The following FGF10 variants were observed in gnomAD, a reference collection of about 807,000 sequenced individuals.
FGF10 encodes the protein fibroblast growth factor 10, also known as FGF-10.
FGF10 carries 2 observed loss-of-function variants against 19.8 expected under a neutral mutation model. That is an observed-to-expected ratio of 0.10 (90% CI 0.04 to 0.32). The LOEUF is 0.32. Ranked by LOEUF, FGF10 falls within the 10% of genes least tolerant of loss-of-function variation. FGF10 has a pLI of 1.00. For synonymous variants in FGF10, 112 were observed against 94.0 expected (o/e 1.19, Z -1.10); for missense variants, 191 against 246.3 (o/e 0.78, Z 1.50).
rs145387642 is a variant in FGF10, at chr5:44,315,832, G to C, written c.326-5302C>G. ...TATCACATTTTCACTAATACCTCTG[G>C]GATTATGTGGCCATACCATAGTGTG... On this transcript the variant is annotated intron_variant, in intron 1 of 2. Coordinates refer to ENST00000264664, the MANE Select transcript of FGF10 (RefSeq NM_004465.2). Among the ~76,000 whole-genome samples, 366 of 152,092 alleles carry C rather than the reference G, an allele frequency of 2.4e-3. 1 individual carries two copies. The highest frequency in any genetic ancestry group is 8.4e-3 in the African/African-American group (348 of 41,520).
chr5:44,371,331 CTT>C (rs1209183853), intron 1 of FGF10, among the ~76,000 whole-genome samples: 2 of 152,090 alleles, frequency 1.3e-5, no homozygotes, highest in Non-Finnish European at 2.9e-5. Flanking sequence ...GGCTCCATGA[CTT>C]TGGACTTCTC....
intron 1 of FGF10, among the ~76,000 whole-genome samples, chr5:44,329,620 A>G (rs1240782935): frequency 6.6e-6 from 1 of 151,810 alleles, no homozygotes; most frequent in Non-Finnish European, 1.5e-5. Flanking sequence ...AATTTAAATG[A>G]AAAAAAATCA....
intron 1 of FGF10, among the ~76,000 whole-genome samples, chr5:44,352,780 C>A (rs1741263987): frequency 6.6e-6 from 1 of 151,586 alleles, no homozygotes; most frequent in African/African-American, 2.4e-5. Flanking sequence ...CTCTGTGACT[C>A]TTTTTCCTCA....
At chr5:44,349,506 G>A (rs1320313700) in intron 1 of FGF10, among the ~76,000 whole-genome samples, 32 of 85,514 alleles carry the variant, frequency 3.7e-4, no homozygotes, top group African/African-American at 1.0e-3. Context: ...ATATATATGT[G>A]TGTGTGTATA....
In FGF10 at chr5:44,388,912, C is replaced by A; in HGVS notation, c.-230G>T. The A allele has an allele frequency of 1.7e-6, 1 of 593,434 alleles. No homozygotes were observed. Among genetic ancestry groups the A allele is most frequent in the Admixed American group, 2.8e-5 (1 of 35,620 alleles). 36.8% of individuals were successfully genotyped at this position (593,434 alleles called of 1,614,324 possible). On this transcript the variant is annotated 5_prime_UTR_variant, in exon 1 of 3. Coordinates refer to ENST00000264664, the MANE Select transcript of FGF10 (RefSeq NM_004465.2). Reference sequence around the variant, plus strand: ...CGCTGCCTACGCCTCTGGAGCCTCCCGGTAAATGGTGGACGTGGGTGGCCG... The same window carrying A: ...CGCTGCCTACGCCTCTGGAGCCTCCAGGTAAATGGTGGACGTGGGTGGCCG...
At position 44,388,795 on chromosome 5, in the gene FGF10, C is replaced by T. The variant is rs1742173207; in HGVS notation, c.-113G>A. ...CGAGGTGGTGGCTGCTGGTTAGCTC[C>T]CTCTGGGCGCGGATCTGGCCAGAAG... On this transcript the variant is annotated 5_prime_UTR_variant, in exon 1 of 3. Transcript: ENST00000264664. The T allele has an allele frequency of 1.8e-6, 2 of 1,093,626 alleles. No individual in the cohort carries two copies. The highest frequency in any genetic ancestry group is 1.4e-6 in the Non-Finnish European group (1 of 727,176). 67.7% of individuals were successfully genotyped at this position (1,093,626 alleles called of 1,614,324 possible).
chr5:44,383,577 C>T (rs950177575), intron 1 of FGF10, among the ~76,000 whole-genome samples: 6 of 151,976 alleles, frequency 3.9e-5, no homozygotes, highest in Non-Finnish European at 7.4e-5. Flanking sequence ...GGTTTCTCCT[C>T]GTAGGAGGTT....
At position 44,302,108 on chromosome 5, in the gene FGF10, G is replaced by T. The variant is rs1466663628; in HGVS notation, c.*2887C>A. On this transcript the variant is annotated 3_prime_UTR_variant, in exon 3 of 3. Coordinates refer to ENST00000264664, the MANE Select transcript of FGF10 (RefSeq NM_004465.2). ...TTTTTTCAAATCTACAACATTCAGG[G>T]CTGAAACTGCTTTTTTTTTTCTTCA... Among the ~76,000 whole-genome samples the T allele has an allele frequency of 2.6e-5, 4 of 151,370 alleles. No homozygotes were observed. Among genetic ancestry groups the T allele is most frequent in the Non-Finnish European group, 5.9e-5 (4 of 67,876 alleles).
intron 1 of FGF10, among the ~76,000 whole-genome samples, chr5:44,359,615 C>G (rs556537380): frequency 5.9e-5 from 9 of 151,522 alleles, no homozygotes; most frequent in Admixed American, 4.0e-4. Context: ...GTCTCAAAAT[C>G]TTATTTTTCC....
chr5:44,383,678 T>A (rs1184081043), intron 1 of FGF10, among the ~76,000 whole-genome samples: 2 of 152,060 alleles, frequency 1.3e-5, no homozygotes, highest in African/African-American at 2.4e-5. Flanking sequence ...GTCCATATGG[T>A]AGGAATGCAG....
intron 1 of FGF10, among the ~76,000 whole-genome samples, chr5:44,347,277 A>C (rs968949768): frequency 2.6e-5 from 4 of 151,622 alleles, no homozygotes; most frequent in Admixed American, 2.6e-4. Context: ...CCTTCACGTC[A>C]CTGTCAAAAG....
intron 1 of FGF10, among the ~76,000 whole-genome samples, chr5:44,365,964 A>G (rs1419626898): frequency 1.3e-5 from 2 of 151,844 alleles, no homozygotes; most frequent in Non-Finnish European, 2.9e-5. Context: ...CTGGGCGCAT[A>G]AAATTAAGAT....
At chr5:44,372,239 T>C (rs2111888232) in intron 1 of FGF10, among the ~76,000 whole-genome samples, 1 of 152,260 alleles carries the variant, frequency 6.6e-6, no homozygotes. Context: ...TTGGCCACAT[T>C]CCTTGGCTCA....
intron 1 of FGF10, among the ~76,000 whole-genome samples, chr5:44,342,402 CA>C (rs1740990287): frequency 6.6e-6 from 1 of 151,378 alleles, no homozygotes; most frequent in African/African-American, 2.4e-5. Flanking sequence ...ATAGATGTCA[CA>C]AATTCTTTTA....
chr5:44,330,382 A>T (rs1740704123), intron 1 of FGF10, among the ~76,000 whole-genome samples: 1 of 152,194 alleles, frequency 6.6e-6, no homozygotes, highest in Non-Finnish European at 1.5e-5. Context: ...GGTTTCTGTT[A>T]GCAGTTCCAC....
rs573405160 is a variant in FGF10 at position 44,366,495 on chromosome 5, G to A, written c.325+21863C>T. Among the ~76,000 whole-genome samples the A allele has an allele frequency of 1.3e-3, 193 of 152,076 alleles. 2 individuals are homozygous for A. The highest frequency in any genetic ancestry group is 6.8e-3 in the South Asian group (33 of 4,824). On this transcript the variant is annotated intron_variant, in intron 1 of 2. Transcript: ENST00000264664. Reference sequence around the variant, plus strand: ...GAAGGCAGGACTTGTATGGGCTGACGCTTTAAGGGACTAAGCTGGGGCAGG... The same window carrying A: ...GAAGGCAGGACTTGTATGGGCTGACACTTTAAGGGACTAAGCTGGGGCAGG...
chr5:44,332,883 A>G (rs576167614), intron 1 of FGF10, among the ~76,000 whole-genome samples: 4 of 152,172 alleles, frequency 2.6e-5, no homozygotes, highest in African/African-American at 9.6e-5. Context: ...AGAAAAGGGC[A>G]AGAGAATGAG....
rs1449206393 is a variant in FGF10, at chr5:44,300,852, T to C, written c.*4143A>G. On this transcript the variant is annotated 3_prime_UTR_variant, in exon 3 of 3. Transcript: ENST00000264664. ...TCTCTTATACTGATTGGTCTAGAGG[T>C]TGGTATGTTATCCAAACCTGGCCAA... Among the ~76,000 whole-genome samples, 1 of 152,044 alleles carries C rather than the reference T, an allele frequency of 6.6e-6. No individual in the cohort carries two copies. Among genetic ancestry groups the C allele is most frequent in the Non-Finnish European group, 1.5e-5 (1 of 68,000 alleles).
chr5:44,310,048 C>A (rs1436837820), intron 2 of FGF10, among the ~76,000 whole-genome samples: 3 of 152,040 alleles, frequency 2.0e-5, no homozygotes, highest in African/African-American at 4.8e-5. Context: ...CATCTTCAGC[C>A]GTAACGCATA....
Sources: allele counts gnomAD v4.1 joint callset (sites outside exome capture counted in the v4.1 genomes callset), GRCh38; gene constraint gnomAD v4.1.1; transcripts MANE v1.5; gene names NCBI Gene and HGNC (gene_info 2026-07-23, HGNC 2026-07-21).